Variants in CD96 observed in about 807,000 individuals in gnomAD.
CD96 encodes T-cell surface protein tactile.
Under a neutral mutation model 71.3 loss-of-function variants are expected in CD96, and 70 were observed. The ratio of observed to expected loss-of-function variants is 0.98; its 90% CI spans 0.81 to 1.20. The LOEUF (loss-of-function observed/expected upper bound fraction) is 1.20. CD96 is among the 50% of genes most tolerant of loss of function. The probability of loss-of-function intolerance (pLI) is 0.00; values close to 1 mark genes in which losing one functional copy is unlikely to be tolerated. For synonymous variants in CD96, 248 were observed against 233.0 expected, an observed-to-expected ratio of 1.06 and a Z score of -0.59; for missense variants, 742 against 677.5, an observed-to-expected ratio of 1.10 and a Z score of -1.06.
rs769390714 is a variant in CD96, at chr3:111,585,335, T to TTTA, written c.764_765insTTA (p.Ile255_Pro256insTyr). 13 of 1,610,968 alleles carry TTTA rather than the reference T, an allele frequency of 8.1e-6. No individual in the cohort carries two copies. The highest frequency in any genetic ancestry group is 1.1e-5 in the Non-Finnish European group (13 of 1,177,308). ...ATTTGCCTTTAAGCTAAACCAGAAA[T>TTTA]CCCTGTGATTGTGGAAAATAACTCC... is the stretch of plus-strand genomic sequence containing the variant. On this transcript the variant is annotated inframe_insertion, in exon 5 of 14. Coordinates refer to ENST00000352690, the MANE Select transcript of CD96 (RefSeq NM_005816.5).
intron 2 of CD96, among the ~76,000 whole-genome samples, chr3:111,564,808 AG>A (rs1412773451): frequency 1.3e-5 from 2 of 152,126 alleles, no homozygotes; most frequent in African/African-American, 4.8e-5. Context: ...GCTTTTCTAG[AG>A]TGTTCAGTAT....
downstream of CD96, among the ~76,000 whole-genome samples, chr3:111,653,067 G>T (rs1230735408): frequency 6.6e-6 from 1 of 152,152 alleles, no homozygotes; most frequent in Admixed American, 6.5e-5. Flanking sequence ...TCCTCAGCTT[G>T]ATAACATGAT....
intron 12 of CD96, among the ~76,000 whole-genome samples, chr3:111,646,710 T>A (rs568709129): frequency 2.6e-4 from 40 of 152,048 alleles, no homozygotes; most frequent in Non-Finnish European, 4.9e-4. Context: ...AATCTCATTA[T>A]ATTGGATATA....
intron 3 of CD96, among the ~76,000 whole-genome samples, chr3:111,568,835 A>G (rs1392908369): frequency 2.6e-5 from 4 of 152,222 alleles, no homozygotes; most frequent in Non-Finnish European, 1.5e-5. Flanking sequence ...TAACCAGTGT[A>G]TACAGTAAAC....
chr3:111,553,215 G>A (rs960523575), intron 2 of CD96, among the ~76,000 whole-genome samples: 11 of 150,270 alleles, frequency 7.3e-5, no homozygotes, highest in Admixed American at 3.3e-4. Context: ...GATATATTGT[G>A]ATTATTTGGA....
intron 10 of CD96, among the ~76,000 whole-genome samples, chr3:111,630,049 A>G (rs559448959): frequency 6.6e-6 from 1 of 152,318 alleles, no homozygotes; most frequent in African/African-American, 2.4e-5. Context: ...AAATGCTCAC[A>G]TCAAAAAGCT....
At chr3:111,647,088 T>TAAAAAAAAAA (rs11337310) in intron 12 of CD96, among the ~76,000 whole-genome samples, 1 of 98,942 alleles carries the variant, frequency 1.0e-5, no homozygotes, top group African/African-American at 3.6e-5. Flanking sequence ...GGGTAAAGAT[T>TAAAAAAAAAA]AAAAAAAAAA....
intron 1 of CD96, among the ~76,000 whole-genome samples, chr3:111,544,268 C>G (rs1037488316): frequency 6.6e-6 from 1 of 152,144 alleles, no homozygotes; most frequent in Admixed American, 6.5e-5. Context: ...CTTCAGCCTC[C>G]CAAGTAGCTG....
At chr3:111,611,124 G>A (rs1250976130) in intron 8 of CD96, among the ~76,000 whole-genome samples, 1 of 152,172 alleles carries the variant, frequency 6.6e-6, no homozygotes, top group Non-Finnish European at 1.5e-5. Flanking sequence ...ACCTGATGAT[G>A]TTGATTTTAA....
chr3:111,658,475 T>C (rs1940283318), intron 14 of CD96, among the ~76,000 whole-genome samples: 1 of 152,208 alleles, frequency 6.6e-6, no homozygotes. Context: ...ATAATAAAGA[T>C]TGCATCAGGC....
At chr3:111,598,042 A>ATGT (rs199537322) in intron 5 of CD96, 78 bp from the exon 6 acceptor site, 1 of 768,222 alleles carries the variant, frequency 1.3e-6, no homozygotes, top group South Asian at 1.4e-5. Context: ...TTGCCAACTT[A>ATGT]TATGAATGTT....
At chr3:111,631,630 G>GA (rs201819541) in intron 10 of CD96, among the ~76,000 whole-genome samples, 1,494 of 142,436 alleles carry the variant, frequency 0.01, 24 homozygotes, top group African/African-American at 0.031. Flanking sequence ...CACAGAACTG[G>GA]AAAAAAAAAA....
At position 111,549,499 on chromosome 3, in the gene CD96, C is replaced by G. The variant is rs142312002; in HGVS notation, c.418+4097C>G. On this transcript the variant is annotated intron_variant, in intron 2 of 13. Transcript: ENST00000352690. Reference sequence around the variant, plus strand: ...ATTTCAAAAATGCATCTTTGTGGTTCAAGTGTAGAGAATGAATTGGAGAAG... The same window carrying G: ...ATTTCAAAAATGCATCTTTGTGGTTGAAGTGTAGAGAATGAATTGGAGAAG... Among the ~76,000 whole-genome samples, 248 of 151,980 alleles carry G rather than the reference C, an allele frequency of 1.6e-3. 1 individual carries two copies. The highest frequency in any genetic ancestry group is 5.7e-3 in the African/African-American group (237 of 41,466).
rs16858349 is a variant in CD96, at chr3:111,621,119, T to G, written c.1181-2635T>G. Among the ~76,000 whole-genome samples the G allele has an allele frequency of 7.5e-3, 1,148 of 152,290 alleles. 17 individuals carry two copies. Among genetic ancestry groups the G allele is most frequent in the African/African-American group, 0.026 (1,089 of 41,558 alleles). On this transcript the variant is annotated intron_variant, in intron 8 of 13. Transcript: ENST00000352690. ...TAGGAAAGTGTCTGTTGCTTGCAGG[T>G]AAGATATATTTTTAAAGGCTGCTGG...
chr3:111,632,728 A>C (rs1939132068), intron 10 of CD96, among the ~76,000 whole-genome samples: 1 of 152,250 alleles, frequency 6.6e-6, no homozygotes, highest in Non-Finnish European at 1.5e-5. Context: ...CTAAATGCCC[A>C]TCAATAATAG....
chr3:111,627,361 T>A (rs1239242224), intron 10 of CD96, among the ~76,000 whole-genome samples: 1 of 152,194 alleles, frequency 6.6e-6, no homozygotes, highest in Non-Finnish European at 1.5e-5. Flanking sequence ...CACAACACAG[T>A]TCCCCAGCAC....
rs145583560 is a variant in CD96, at chr3:111,623,638, G to C, written c.1181-116G>C. On this transcript the variant is annotated intron_variant, in intron 8 of 13. Transcript: ENST00000352690. ...GTTTCATCATTTATAAAATGAGGCT[G>C]TTCACTAAGATTCTTTCCAACTCTA... 9.4e-4 allele frequency: 672 copies of C among 717,604 alleles called. 2 individuals are homozygous for C. The highest frequency in any genetic ancestry group is 5.4e-3 in the Middle Eastern group (21 of 3,902). The allele number at this position is 717,604 out of a possible 1,614,324, so 44.5% of individuals were successfully genotyped here. A position where few individuals can be genotyped will look rare whatever the true frequency, so the allele number is the denominator to read the frequency against.
At chr3:111,619,977 T>C (rs1938440049) in intron 8 of CD96, among the ~76,000 whole-genome samples, 1 of 152,128 alleles carries the variant, frequency 6.6e-6, no homozygotes, top group Non-Finnish European at 1.5e-5. Context: ...ACTCAGCACA[T>C]GGAAAAAACA....
At chr3:111,543,203 T>C (rs774844002) in intron 1 of CD96, among the ~76,000 whole-genome samples, 1 of 152,246 alleles carries the variant, frequency 6.6e-6, no homozygotes, top group Non-Finnish European at 1.5e-5. Flanking sequence ...TTGCTTGTCA[T>C]CTTTTTATCT....
Sources: gnomAD v4.1 joint callset for allele counts (sites outside exome capture counted in the v4.1 genomes callset) on GRCh38, gnomAD v4.1.1 for gene constraint, MANE v1.5 for transcripts, NCBI Gene and HGNC (gene_info 2026-07-23, HGNC 2026-07-21) for gene names.